STARD13: variants seen among roughly 807,000 people sequenced by gnomAD.
STARD13 encodes stAR-related lipid transfer protein 13.
In STARD13, 62 loss-of-function variants were observed where a neutral mutation model predicts 106.4. The ratio of observed to expected loss-of-function variants is 0.58; its 90% confidence interval spans 0.48 to 0.72. The LOEUF (loss-of-function observed/expected upper bound fraction) is 0.72. Ranked by LOEUF, STARD13 falls within the 30% of genes least tolerant of loss-of-function variation. STARD13 has a pLI of 0.00. For missense variants in STARD13, 1,387 were observed against 1,424.0 expected (o/e 0.97, Z 0.42); for synonymous variants, 565 against 553.0 (o/e 1.02, Z -0.31).
At chr13:33,169,887 CCTT>C (rs1480261894) in intron 1 of STARD13, among the ~76,000 whole-genome samples, 1 of 152,120 alleles carries the variant, frequency 6.6e-6, no homozygotes, top group Non-Finnish European at 1.5e-5. Flanking sequence ...AGCCAGGAAT[CCTT>C]CTAGAAAACT....
the STARD13 span, among the ~76,000 whole-genome samples, chr13:33,380,469 C>A: frequency 8.6e-6 from 1 of 116,000 alleles, no homozygotes; most frequent in Non-Finnish European, 1.7e-5. Context: ...ACACACACCC[C>A]CACCCCCCAC....
chr13:33,455,353 G>A, the STARD13 span, among the ~76,000 whole-genome samples: 1 of 152,206 alleles, frequency 6.6e-6, no homozygotes, highest in African/African-American at 2.4e-5. Context: ...GTCCCCTTAT[G>A]TATAGTTCTC....
the STARD13 span, among the ~76,000 whole-genome samples, chr13:33,632,635 C>G: frequency 2.8e-4 from 43 of 152,300 alleles, no homozygotes; most frequent in African/African-American, 1.0e-3. Flanking sequence ...TATCACCAAA[C>G]TTGACCACTT....
intron 1 of STARD13, among the ~76,000 whole-genome samples, chr13:33,265,377 GA>G (rs1401650571): frequency 2.0e-5 from 3 of 152,188 alleles, no homozygotes; most frequent in African/African-American, 7.2e-5. Flanking sequence ...GATGCTGACA[GA>G]CCACTTAGGA....
At chr13:33,499,520 T>TTCTTCC in the STARD13 span, among the ~76,000 whole-genome samples, 3 of 48,582 alleles carry the variant, frequency 6.2e-5, no homozygotes, top group Non-Finnish European at 9.6e-5. Context: ...TCTTCTTTCT[T>TTCTTCC]TCTTCTTCTT....
At chr13:33,113,112 T>C in intron 8 of STARD13, 181 bp from the exon 9 acceptor site, 1 of 555,432 alleles carries the variant, frequency 1.8e-6, no homozygotes, top group Non-Finnish European at 3.2e-6. Context: ...TCGCAGCTCA[T>C]GGGAGGCAGA....
the STARD13 span, among the ~76,000 whole-genome samples, chr13:33,511,761 G>T: frequency 6.6e-6 from 1 of 152,106 alleles, no homozygotes; most frequent in Non-Finnish European, 1.5e-5. Flanking sequence ...ATATCAAAAA[G>T]TTCCGTACCA....
the STARD13 span, among the ~76,000 whole-genome samples, chr13:33,481,845 G>A: frequency 1.8e-5 from 2 of 110,816 alleles, no homozygotes; most frequent in African/African-American, 8.8e-5. Flanking sequence ...CGGGCGTGGT[G>A]GTGGCGGGCG....
the STARD13 span, among the ~76,000 whole-genome samples, chr13:33,672,717 T>C: frequency 2.0e-5 from 3 of 152,226 alleles, no homozygotes; most frequent in African/African-American, 4.8e-5. Context: ...TGTCCCATGT[T>C]TGATCACCCA....
At chr13:33,598,123 T>C in the STARD13 span, among the ~76,000 whole-genome samples, 1 of 152,198 alleles carries the variant, frequency 6.6e-6, no homozygotes, top group African/African-American at 2.4e-5. Flanking sequence ...TCTACCCTAA[T>C]GTCAATGTCC....
intron 1 of STARD13, among the ~76,000 whole-genome samples, chr13:33,172,090 A>C (rs972257802): frequency 6.6e-6 from 1 of 152,238 alleles, no homozygotes; most frequent in African/African-American, 2.4e-5. Flanking sequence ...ATGAATGAAA[A>C]AAGTCAACTC....
intron 1 of STARD13, among the ~76,000 whole-genome samples, chr13:33,226,783 T>C (rs1888648999): frequency 6.6e-6 from 1 of 152,152 alleles, no homozygotes; most frequent in Non-Finnish European, 1.5e-5. Context: ...AAACAGACAA[T>C]TGGACAATAA....
the STARD13 span, among the ~76,000 whole-genome samples, chr13:33,648,228 AT>A: frequency 6.6e-6 from 1 of 152,240 alleles, no homozygotes; most frequent in Admixed American, 6.5e-5. Context: ...GAGGTAGACA[AT>A]ATGATTTCTA....
the STARD13 span, among the ~76,000 whole-genome samples, chr13:33,419,104 T>C: frequency 6.2e-4 from 94 of 152,280 alleles, no homozygotes; most frequent in Non-Finnish European, 1.1e-3. Context: ...CAAAGCTAGA[T>C]GGAGAATGAC....
chr13:33,468,589 T>G, the STARD13 span, among the ~76,000 whole-genome samples: 2 of 132,332 alleles, frequency 1.5e-5, no homozygotes, highest in East Asian at 5.1e-4. Context: ...TCCCCCACTC[T>G]CTCTCTCATC....
the STARD13 span, among the ~76,000 whole-genome samples, chr13:33,449,564 C>A: frequency 6.6e-6 from 1 of 151,954 alleles, no homozygotes; most frequent in African/African-American, 2.4e-5. Flanking sequence ...TCTTTTTGCA[C>A]AATATTTCTT....
intron 1 of STARD13, among the ~76,000 whole-genome samples, chr13:33,262,574 G>T (rs897404004): frequency 1.3e-5 from 2 of 151,284 alleles, no homozygotes; most frequent in South Asian, 2.1e-4. Flanking sequence ...AAAATTACAA[G>T]TAATTAGCTG....
intron 1 of STARD13, chr13:33,281,003 AT>A (rs1340744328): frequency 2.0e-5 from 3 of 152,214 alleles, no homozygotes; most frequent in African/African-American, 7.2e-5. Flanking sequence ...ATTCCACATA[AT>A]AAAGCCGCTC....
chr13:33,252,212 G>C (rs1174975945), intron 1 of STARD13, among the ~76,000 whole-genome samples: 1 of 152,110 alleles, frequency 6.6e-6, no homozygotes, highest in Non-Finnish European at 1.5e-5. Context: ...CCTTTATTTG[G>C]AACTCCCTGC....
Sources: gnomAD v4.1 joint callset for allele counts (sites outside exome capture counted in the v4.1 genomes callset) on GRCh38, gnomAD v4.1.1 for gene constraint, MANE v1.5 for transcripts, NCBI Gene and HGNC (gene_info 2026-07-23, HGNC 2026-07-21) for gene names.